Variants in CDKAL1 observed in about 807,000 individuals in gnomAD.
The protein encoded by CDKAL1 is CDKAL1 threonylcarbamoyladenosine tRNA methylthiotransferase.
Under a neutral mutation model 68.2 loss-of-function variants are expected in CDKAL1, and 32 were observed. The ratio of observed to expected loss-of-function variants is 0.47; its 90% CI spans 0.35 to 0.63. The LOEUF (loss-of-function observed/expected upper bound fraction) is 0.63. CDKAL1 is among the 30% of genes least tolerant of loss of function. CDKAL1 has a pLI of 0.00. For missense variants in CDKAL1, 606 were observed against 696.7 expected (o/e 0.87, Z 1.47); for synonymous variants, 234 against 244.3 (o/e 0.96, Z 0.39).
chr6:20,614,879 C>T (rs939159313), intron 4 of CDKAL1, among the ~76,000 whole-genome samples: 1 of 151,106 alleles, frequency 6.6e-6, no homozygotes, highest in South Asian at 2.1e-4. Context: ...GCTGCACCCA[C>T]TAACTCGTCA....
At chr6:21,172,201 A>G (rs536357988) in intron 13 of CDKAL1, among the ~76,000 whole-genome samples, 2 of 152,290 alleles carry the variant, frequency 1.3e-5, no homozygotes, top group African/African-American at 4.8e-5. Context: ...CACAGAGGAA[A>G]GTCACTTGGT....
At chr6:20,785,677 A>G (rs1444343897) in intron 8 of CDKAL1, among the ~76,000 whole-genome samples, 1 of 152,084 alleles carries the variant, frequency 6.6e-6, no homozygotes, top group East Asian at 1.9e-4. Flanking sequence ...ATGTTTTAAT[A>G]TGATTATACT....
intron 4 of CDKAL1, among the ~76,000 whole-genome samples, chr6:20,634,977 CAAAA>C (rs142659533): frequency 9.6e-4 from 96 of 99,838 alleles, no homozygotes; most frequent in East Asian, 4.9e-3. Flanking sequence ...AACCCCGTCT[CAAAA>C]AAAAAAAAAA....
At chr6:20,752,124 T>G (rs1773949946) in intron 6 of CDKAL1, among the ~76,000 whole-genome samples, 1 of 152,082 alleles carries the variant, frequency 6.6e-6, no homozygotes, top group East Asian at 1.9e-4. Flanking sequence ...TCCCCTTTTT[T>G]CCCTTTTCCC....
chr6:20,800,292 C>G (rs945381264), intron 8 of CDKAL1, among the ~76,000 whole-genome samples: 2 of 152,186 alleles, frequency 1.3e-5, no homozygotes, highest in Non-Finnish European at 2.9e-5. Flanking sequence ...TGGGTACATG[C>G]AAAAGCATGG....
At chr6:20,879,988 G>A (rs561377303) in intron 9 of CDKAL1, among the ~76,000 whole-genome samples, 6 of 152,266 alleles carry the variant, frequency 3.9e-5, no homozygotes, top group South Asian at 4.1e-4. Context: ...TATCAAGATA[G>A]TAGTTTTAAT....
chr6:20,820,538 C>T lies in CDKAL1; in HGVS notation c.639-25537C>T, dbSNP rs546143170. Among the ~76,000 whole-genome samples, 5 of 152,208 alleles carry T rather than the reference C, an allele frequency of 3.3e-5. No homozygotes were observed. The South Asian group carries it at 1.0e-3, about 32-fold the overall frequency. Reference sequence around the variant, plus strand: ...CCACCAGGCTAACTTGCTTTTGATGCGATTTACCCTGTCCATGTGCATAGT... The same window carrying T: ...CCACCAGGCTAACTTGCTTTTGATGTGATTTACCCTGTCCATGTGCATAGT... On this transcript the variant is annotated intron_variant, in intron 8 of 15. Transcript: ENST00000274695.
intron 10 of CDKAL1, among the ~76,000 whole-genome samples, chr6:20,976,228 A>G (rs1037321047): frequency 5.9e-5 from 9 of 152,118 alleles, no homozygotes; most frequent in African/African-American, 2.4e-5. Context: ...ATAATATTCC[A>G]TTGTCTGAAT....
chr6:21,017,662 G>A (rs547144834), intron 11 of CDKAL1, among the ~76,000 whole-genome samples: 2 of 152,226 alleles, frequency 1.3e-5, no homozygotes, highest in Admixed American at 6.5e-5. Context: ...GCTCTGGATT[G>A]TCTAATTCTT....
intron 9 of CDKAL1, among the ~76,000 whole-genome samples, chr6:20,872,647 T>G (rs1191244702): frequency 2.0e-5 from 3 of 152,204 alleles, no homozygotes; most frequent in African/African-American, 7.2e-5. Flanking sequence ...TATTGAAGCC[T>G]TGTGTCCTAT....
intron 9 of CDKAL1, among the ~76,000 whole-genome samples, chr6:20,885,901 G>T (rs140415411): frequency 1.4e-4 from 21 of 152,066 alleles, no homozygotes; most frequent in Middle Eastern, 3.4e-3. Context: ...TGGCCAATAT[G>T]GTGAAACCCC....
At chr6:21,076,907 T>C (rs547321510) in intron 12 of CDKAL1, among the ~76,000 whole-genome samples, 1 of 152,282 alleles carries the variant, frequency 6.6e-6, no homozygotes, top group East Asian at 1.9e-4. Flanking sequence ...AATTTTGTTG[T>C]ATCTGGATTT....
intron 4 of CDKAL1, among the ~76,000 whole-genome samples, chr6:20,571,027 A>G (rs1764679106): frequency 6.6e-6 from 1 of 152,228 alleles, no homozygotes; most frequent in South Asian, 2.1e-4. Context: ...AAATGTTAGC[A>G]CCCTCACTGG....
chr6:20,759,755 A>G (rs1774384258), intron 7 of CDKAL1, among the ~76,000 whole-genome samples: 1 of 152,204 alleles, frequency 6.6e-6, no homozygotes, highest in Admixed American at 6.5e-5. Context: ...TATTGAAGTC[A>G]CTGTGAAATA....
intron 9 of CDKAL1, among the ~76,000 whole-genome samples, chr6:20,901,507 T>C (rs1339717655): frequency 4.0e-5 from 6 of 150,804 alleles, no homozygotes; most frequent in Admixed American, 4.0e-4. Flanking sequence ...ACCCTGTCTC[T>C]ACTAAAAATA....
At chr6:20,892,505 C>T (rs984410717) in intron 9 of CDKAL1, among the ~76,000 whole-genome samples, 1 of 152,034 alleles carries the variant, frequency 6.6e-6, no homozygotes, top group South Asian at 2.1e-4. Flanking sequence ...GAGCATGTGG[C>T]TAGGTGACCC....
At chr6:20,891,525 C>T (rs1256228046) in intron 9 of CDKAL1, among the ~76,000 whole-genome samples, 1 of 136,966 alleles carries the variant, frequency 7.3e-6, no homozygotes, top group Non-Finnish European at 1.5e-5. Context: ...TATTTCTTTT[C>T]TTTTTTCTGT....
At chr6:20,616,839 C>CCACACACA (rs756883799) in intron 4 of CDKAL1, among the ~76,000 whole-genome samples, 12,684 of 121,168 alleles carry the variant, frequency 0.1, 724 homozygotes, top group African/African-American at 0.11. Context: ...CCCGACTCTA[C>CCACACACA]CACACACACA....
intron 13 of CDKAL1, among the ~76,000 whole-genome samples, chr6:21,156,593 G>A (rs911226595): frequency 1.3e-5 from 2 of 151,996 alleles, no homozygotes; most frequent in African/African-American, 4.8e-5. Flanking sequence ...AAAGAGAAAG[G>A]AAAGTTTTCC....
Sources: gnomAD v4.1 joint callset for allele counts (sites outside exome capture counted in the v4.1 genomes callset) on GRCh38, gnomAD v4.1.1 for gene constraint, MANE v1.5 for transcripts, NCBI Gene and HGNC (gene_info 2026-07-23, HGNC 2026-07-21) for gene names.